Variants in CABIN1 observed in about 807,000 individuals in gnomAD.
CABIN1 encodes the protein calcineurin-binding protein cabin-1.
Under a neutral mutation model 227.7 loss-of-function variants are expected in CABIN1, and 133 were observed. That is an observed-to-expected ratio of 0.58 (90% CI 0.51 to 0.67). CABIN1 has a LOEUF of 0.67. CABIN1 is among the 30% of genes least tolerant of loss of function. The pLI, the probability that CABIN1 is intolerant of heterozygous loss-of-function variation, is 0.00. For synonymous variants in CABIN1, 1,086 were observed against 1,155.1 expected (o/e 0.94, Z 1.21); for missense variants, 2,408 against 2,852.5 (o/e 0.84, Z 3.55).
chr22:24,134,539 C>T (rs1275824292), intron 29 of CABIN1, 124 bp downstream of exon 29: 2 of 752,396 alleles, frequency 2.7e-6, no homozygotes, highest in African/African-American at 1.7e-5. Context: ...CCTCAGAGGG[C>T]AGGCAGGGTG....
intron 19 of CABIN1, among the ~76,000 whole-genome samples, chr22:24,078,307 T>TTGAA (rs1461213871): frequency 1.3e-5 from 2 of 152,164 alleles, no homozygotes; most frequent in Non-Finnish European, 2.9e-5. Context: ...GTTGTATTTC[T>TTGAA]TGAATGAATG....
intron 23 of CABIN1, among the ~76,000 whole-genome samples, chr22:24,088,712 A>G (rs138036887): frequency 2.6e-5 from 4 of 152,286 alleles, no homozygotes; most frequent in East Asian, 1.9e-4. Context: ...GGCTGCCCCT[A>G]CTACCTCAGA....
intron 29 of CABIN1, among the ~76,000 whole-genome samples, chr22:24,154,167 T>A (rs1343316066): frequency 1.3e-5 from 2 of 152,142 alleles, no homozygotes; most frequent in African/African-American, 4.8e-5. Context: ...GGCCTGGGTG[T>A]GATGAGCAGA....
At chr22:24,176,383 GC>G in intron 35 of CABIN1, 108 bp downstream of exon 35, 2 of 1,276,928 alleles carry the variant, frequency 1.6e-6, no homozygotes, top group Non-Finnish European at 2.2e-6. Flanking sequence ...GCCTGGGGAT[GC>G]CCCATGGAAT....
At chr22:24,012,652 T>C (rs1463483669) in intron 1 of CABIN1, among the ~76,000 whole-genome samples, 1 of 152,210 alleles carries the variant, frequency 6.6e-6, no homozygotes, top group Non-Finnish European at 1.5e-5. Context: ...GGAAACTTAT[T>C]AGCTTAGACT....
chr22:24,079,074 G>A (rs191787162), intron 19 of CABIN1, among the ~76,000 whole-genome samples: 225 of 152,232 alleles, frequency 1.5e-3, no homozygotes, highest in African/African-American at 5.2e-3. Context: ...TATTGTGTGA[G>A]TATATCATGC....
Position 24,084,738 on chromosome 22 carries a change from C to T in CABIN1, c.3070C>T (p.Leu1024Phe), listed in dbSNP as rs766385295. 6.2e-7 allele frequency: 1 copy of T among 1,614,256 alleles called. No individual in the cohort carries two copies. The highest frequency in any genetic ancestry group is 1.1e-5 in the South Asian group (1 of 91,092). ...TGTGCCTCGCACAGAGAGGCCAGCC[C>T]TTAGCCTGGACAAAGTCTCTGCCTA... is the stretch of plus-strand genomic sequence containing the variant. ...TIVPRTERPA[L>F]SLDKVSAYIE... Residue 1024 changes from leucine (L) to phenylalanine (F), a missense_variant, in exon 21 of 37, where the codon CTT (leucine) becomes TTT (phenylalanine). This residue lies in a region of CABIN1 where 649 missense variants were observed against 910.3 expected (regional missense o/e 0.71). Coordinates refer to ENST00000263119, the MANE Select transcript of CABIN1 (RefSeq NM_012295.4).
chr22:24,177,618 G>T lies in CABIN1; in HGVS notation c.6320G>T (p.Gly2107Val). The T allele has an allele frequency of 6.2e-7, 1 of 1,613,186 alleles. No individual in the cohort carries two copies. The highest frequency in any genetic ancestry group is 8.5e-7 in the Non-Finnish European group (1 of 1,179,584). ...GCCAGCTCCAAGGCCCCCAGCAGTG[G>T]GAGTGCCCAGCCACCAGAGGGTCAC... ...TAASSKAPSS[G>V]SAQPPEGHPG... is the part of the protein sequence containing the mutation. Residue 2107 changes from glycine to valine, a missense_variant, in exon 36 of 37, where the codon GGG becomes GTG. Gly to Val is a moderately radical substitution (Grantham distance 109, BLOSUM62 -3). Around this residue, in one of 3 missense-constraint regions of CABIN1, gnomAD observed 714 missense variants for 773.8 expected, o/e 0.92. Coordinates refer to ENST00000263119, the MANE Select transcript of CABIN1 (RefSeq NM_012295.4). The surrounding 1 kb of genome is among the most constrained non-coding windows in gnomAD (Gnocchi z 4.4).
In CABIN1 at chr22:24,153,406, C is replaced by G. The variant is rs186380906; in HGVS notation, c.4747-10994C>G. Among the ~76,000 whole-genome samples, 11 of 152,252 alleles carry G rather than the reference C, an allele frequency of 7.2e-5. No homozygotes were observed. In the East Asian group the frequency reaches 2.1e-3, roughly 29 times the overall value. ...CAGGTGCTTTGTGGGTAATTAGGTC[C>G]CACAGGGTTTTCCTGCATAGGGTGC... is the stretch of plus-strand genomic sequence containing the variant. On this transcript the variant is annotated intron_variant, in intron 29 of 36. Coordinates refer to ENST00000263119, the MANE Select transcript of CABIN1 (RefSeq NM_012295.4).
intron 8 of CABIN1, among the ~76,000 whole-genome samples, chr22:24,054,572 A>G (rs2073396): frequency 0.13 from 20,461 of 152,172 alleles, 1,476 homozygotes; most frequent in East Asian, 0.21. Flanking sequence ...TTTCATACAT[A>G]CCTACTTGAG....
chr22:24,073,098 G>A (rs1440684836), intron 18 of CABIN1, among the ~76,000 whole-genome samples: 2 of 152,178 alleles, frequency 1.3e-5, no homozygotes, highest in East Asian at 3.9e-4. Flanking sequence ...GAGAATCCAG[G>A]GAGGGCGAGC....
chr22:24,113,734 C>T lies in CABIN1; in HGVS notation c.4286C>T (p.Ala1429Val), dbSNP rs762828843. The T allele has an allele frequency of 8.1e-6, 13 of 1,613,664 alleles. No individual in the cohort carries two copies. The South Asian group carries it at 8.8e-5, about 11-fold the overall frequency. Residue 1429 changes from alanine (A) to valine (V), a missense_variant, in exon 27 of 37, where the codon GCC (alanine) becomes GTC (valine). Coordinates refer to ENST00000263119, the MANE Select transcript of CABIN1 (RefSeq NM_012295.4). ...GCGACGGGTAAAGATCTTCAGGGGG[C>T]CACAGAAGAAAGAGGTATGAAGCCC... Reference protein sequence around the residue: ...AGATGKDLQGATEERGKNEES... With the variant: ...AGATGKDLQGVTEERGKNEES...
chr22:24,062,024 A>G lies in CABIN1; in HGVS notation c.1695A>G (p.Ala565=). ...QWLLTKGRSS[A]VSPRNCPAGM... ...TGCTGACCAAAGGCAGAAGCTCTGC[A>G]GGTAGGAGGCATTATGTGTTCTGTG... Residue 565 remains alanine (A), a splice_region_variant and synonymous_variant, in exon 13 of 37, where the codon GCA becomes GCG. Coordinates refer to ENST00000263119, the MANE Select transcript of CABIN1 (RefSeq NM_012295.4). 1.2e-6 allele frequency: 2 copies of G among 1,612,886 alleles called. No individual in the cohort carries two copies. Among genetic ancestry groups the G allele is most frequent in the Non-Finnish European group, 1.7e-6 (2 of 1,179,100 alleles).
intron 23 of CABIN1, among the ~76,000 whole-genome samples, chr22:24,089,732 G>A (rs1257198513): frequency 6.6e-6 from 1 of 152,208 alleles, no homozygotes; most frequent in Non-Finnish European, 1.5e-5. Flanking sequence ...GTTGGCAGCT[G>A]TTCGAGCTGC....
At chr22:24,017,977 C>T (rs554818065) in intron 1 of CABIN1, among the ~76,000 whole-genome samples, 163 of 152,204 alleles carry the variant, frequency 1.1e-3, no homozygotes, top group African/African-American at 3.7e-3. Context: ...CTCAACTGCC[C>T]TGAGTAGCTG....
At position 24,084,480 on chromosome 22, in the gene CABIN1, A is replaced by T. The variant is rs987559402; in HGVS notation, c.2911-99A>T. 4 of 983,550 alleles carry T rather than the reference A, an allele frequency of 4.1e-6. No homozygotes were observed. The African/African-American group carries it at 4.8e-5, about 12-fold the overall frequency. The allele number at this position is 983,550 out of a possible 1,614,324, so 60.9% of individuals were successfully genotyped here. On this transcript the variant is annotated intron_variant, in intron 20 of 36. Coordinates refer to ENST00000263119, the MANE Select transcript of CABIN1 (RefSeq NM_012295.4). Reference sequence around the variant, plus strand: ...AGGCTCTCCAATATGCCATAACCTCATTTACATTGGACAAAGTGCGTTTCT... The same window carrying T: ...AGGCTCTCCAATATGCCATAACCTCTTTTACATTGGACAAAGTGCGTTTCT...
intron 29 of CABIN1, among the ~76,000 whole-genome samples, chr22:24,162,624 T>C (rs1238333350): frequency 6.6e-6 from 1 of 152,146 alleles, no homozygotes; most frequent in African/African-American, 2.4e-5. Flanking sequence ...AAATGTAAAA[T>C]GCTGCCTTTC....
At chr22:24,169,954 GAC>G (rs2046693407) in intron 33 of CABIN1, among the ~76,000 whole-genome samples, 1 of 152,202 alleles carries the variant, frequency 6.6e-6, no homozygotes, top group Non-Finnish European at 1.5e-5. Context: ...GACCTCGGAA[GAC>G]ACAGCCTGGG....
intron 29 of CABIN1, among the ~76,000 whole-genome samples, chr22:24,143,967 G>C (rs920834924): frequency 1.3e-5 from 2 of 152,210 alleles, no homozygotes; most frequent in African/African-American, 4.8e-5. Context: ...TCTGGGTGCC[G>C]GGAGAGAATG....
Sources: gnomAD v4.1 joint callset for allele counts (sites outside exome capture counted in the v4.1 genomes callset) on GRCh38, gnomAD v4.1.1 for gene constraint, gnomAD v4.1.1 regional missense constraint, Gnocchi (gnomAD v3.1) non-coding constraint, MANE v1.5 for transcripts, NCBI Gene and HGNC (gene_info 2026-07-23, HGNC 2026-07-21) for gene names.